The following RBFOX1 variants were observed in gnomAD, a reference collection of about 807,000 sequenced individuals.
RBFOX1 encodes the protein RNA binding fox-1 homolog 1, also known as RNA binding protein fox-1 homolog 1.
In RBFOX1, 8 loss-of-function variants were observed where a neutral mutation model predicts 57.7. The ratio of observed to expected loss-of-function variants is 0.14; its 90% CI spans 0.08 to 0.25. The LOEUF is 0.25. RBFOX1 is among the 10% of genes least tolerant of loss of function. RBFOX1 has a pLI of 1.00. For synonymous variants in RBFOX1, 326 were observed against 222.4 expected (o/e 1.47, Z -4.15); for missense variants, 611 against 548.5 (o/e 1.11, Z -1.14).
intron 3 of RBFOX1, among the ~76,000 whole-genome samples, chr16:6,944,634 G>T (rs1389933028): frequency 6.6e-6 from 1 of 152,090 alleles, no homozygotes; most frequent in Admixed American, 6.6e-5. Flanking sequence ...TAGTTTTTGT[G>T]GGGGTCTGGC....
chr16:7,702,210 A>C (rs2148209845), intron 14 of RBFOX1, among the ~76,000 whole-genome samples: 1 of 152,346 alleles, frequency 6.6e-6, no homozygotes, highest in Middle Eastern at 3.4e-3. Context: ...ATTTATTGGC[A>C]TGAAGATAAG....
At chr16:6,782,965 C>A (rs916613391) in intron 3 of RBFOX1, among the ~76,000 whole-genome samples, 22 of 151,956 alleles carry the variant, frequency 1.4e-4, no homozygotes, top group African/African-American at 5.3e-4. Context: ...GCTGAGTTGA[C>A]TTCTTTATCA....
chr16:6,582,627 G>C (rs887079075), intron 2 of RBFOX1, among the ~76,000 whole-genome samples: 1 of 152,036 alleles, frequency 6.6e-6, no homozygotes, highest in East Asian at 1.9e-4. Flanking sequence ...GATCCAAGAG[G>C]TCAAATAAAA....
At chr16:6,191,094 C>A (rs1484072386) in intron 1 of RBFOX1, among the ~76,000 whole-genome samples, 1 of 150,502 alleles carries the variant, frequency 6.6e-6, no homozygotes, top group Admixed American at 6.6e-5. Flanking sequence ...ATCTTCTAGA[C>A]AGACAGCTTG....
intron 1 of RBFOX1, among the ~76,000 whole-genome samples, chr16:6,248,702 T>A (rs1332554690): frequency 6.6e-6 from 1 of 152,108 alleles, no homozygotes; most frequent in Non-Finnish European, 1.5e-5. Flanking sequence ...ATATAGAGGT[T>A]AAGTATGGGT....
intron 3 of RBFOX1, among the ~76,000 whole-genome samples, chr16:6,828,818 C>G (rs986962804): frequency 6.6e-6 from 1 of 152,108 alleles, no homozygotes; most frequent in Non-Finnish European, 1.5e-5. Flanking sequence ...GATGGCATCA[C>G]AATTCTAAGA....
At chr16:6,139,251 A>G (rs1166154620) in intron 1 of RBFOX1, among the ~76,000 whole-genome samples, 1 of 152,130 alleles carries the variant, frequency 6.6e-6, no homozygotes, top group Admixed American at 6.5e-5. Context: ...CCAACTAAGC[A>G]TGAGGCAACT....
At chr16:5,323,798 G>A (rs1105396) in intron 1 of RBFOX1, among the ~76,000 whole-genome samples, 2 of 152,080 alleles carry the variant, frequency 1.3e-5, no homozygotes, top group African/African-American at 4.8e-5. Flanking sequence ...GTGAACATCT[G>A]CCCATCACCA....
intron 4 of RBFOX1, among the ~76,000 whole-genome samples, chr16:7,442,865 CCTGAGAAGGATTTAT>C (rs2098779887): frequency 6.6e-6 from 1 of 152,066 alleles, no homozygotes; most frequent in Admixed American, 6.6e-5. Flanking sequence ...GCCTATGGCC[CCTGAGAAGGATTTAT>C]CTGAAAACTC....
intron 4 of RBFOX1, among the ~76,000 whole-genome samples, chr16:7,150,434 C>G (rs1017383126): frequency 1.3e-5 from 2 of 152,190 alleles, no homozygotes; most frequent in Non-Finnish European, 1.5e-5. Flanking sequence ...ACTGCTGAAT[C>G]ACACTCCATT....
intron 1 of RBFOX1, among the ~76,000 whole-genome samples, chr16:6,030,924 T>A (rs1472535408): frequency 6.6e-6 from 1 of 152,150 alleles, no homozygotes; most frequent in Non-Finnish European, 1.5e-5. Context: ...GGATACTGTA[T>A]GGGGTGGGTA....
intron 1 of RBFOX1, among the ~76,000 whole-genome samples, chr16:5,266,922 A>C (rs889590320): frequency 3.4e-4 from 52 of 152,194 alleles, no homozygotes; most frequent in African/African-American, 1.2e-3. Context: ...TTCTTTAAGT[A>C]ATAATTCAAT....
chr16:5,981,515 C>T (rs747557424), intron 4 of RBFOX1, among the ~76,000 whole-genome samples: 1 of 152,180 alleles, frequency 6.6e-6, no homozygotes, highest in Non-Finnish European at 1.5e-5. Context: ...GTCACCCAGG[C>T]TGGACTGAAG....
rs750540206 is a variant in RBFOX1, at chr16:6,844,188, C to CT, written c.-16+189549dup. ...CCCTTATAGCTTCTGGAGGAATCTT[C>CT]TTTTTTTTTTTCCTTCATGTTTTAA... On this transcript the variant is annotated intron_variant, in intron 3 of 15. Transcript: ENST00000550418. Among the ~76,000 whole-genome samples, 836 of 147,072 alleles carry CT rather than the reference C, an allele frequency of 5.7e-3. 10 individuals are homozygous for CT. Among genetic ancestry groups the CT allele is most frequent in the East Asian group, 0.029 (145 of 5,066 alleles).
chr16:6,275,452 A>T (rs973071710), intron 1 of RBFOX1, among the ~76,000 whole-genome samples: 1 of 152,192 alleles, frequency 6.6e-6, no homozygotes, highest in Non-Finnish European at 1.5e-5. Context: ...ACCTGATCTC[A>T]TTCGCATCTC....
intron 2 of RBFOX1, among the ~76,000 whole-genome samples, chr16:6,320,917 C>A (rs1184852751): frequency 1.3e-5 from 2 of 152,100 alleles, no homozygotes; most frequent in Non-Finnish European, 2.9e-5. Flanking sequence ...CCTCAGCCTC[C>A]CAAGTAGCTG....
intron 1 of RBFOX1, among the ~76,000 whole-genome samples, chr16:5,433,407 A>G (rs2067813959): frequency 2.6e-5 from 4 of 151,968 alleles, no homozygotes. Flanking sequence ...GCACTTGGTC[A>G]CTCTGGCCAG....
chr16:5,440,148 C>G (rs532281722), intron 1 of RBFOX1, among the ~76,000 whole-genome samples: 22 of 152,292 alleles, frequency 1.4e-4, no homozygotes, highest in South Asian at 1.0e-3. Context: ...AATAAGACCA[C>G]TTGTAAAACT....
intron 3 of RBFOX1, among the ~76,000 whole-genome samples, chr16:6,938,301 G>C (rs556998596): frequency 1.9e-4 from 29 of 152,024 alleles, no homozygotes; most frequent in Non-Finnish European, 4.3e-4. Flanking sequence ...TTTTGGTATC[G>C]TCACAAGGAA....
Sources: allele counts gnomAD v4.1 joint callset (sites outside exome capture counted in the v4.1 genomes callset), GRCh38; gene constraint gnomAD v4.1.1; transcripts MANE v1.5; gene names NCBI Gene and HGNC (gene_info 2026-07-23, HGNC 2026-07-21).